Variants in DOCK8 observed in about 807,000 individuals in gnomAD.
DOCK8 encodes dedicator of cytokinesis 8.
In DOCK8, 141 loss-of-function variants were observed where a neutral mutation model predicts 245.6. That is an observed-to-expected ratio of 0.57 (90% CI 0.50 to 0.66). The LOEUF (loss-of-function observed/expected upper bound fraction) is 0.66, where lower values mean the gene tolerates loss of function less well. Ranked by LOEUF, DOCK8 falls within the 30% of genes least tolerant of loss-of-function variation. DOCK8 has a pLI of 0.00. For missense variants in DOCK8, 2,965 were observed against 2,603.4 expected, an observed-to-expected ratio of 1.14 and a Z score of -3.02; for synonymous variants, 1,168 against 970.2, an observed-to-expected ratio of 1.20 and a Z score of -3.79.
rs1019319527 is a variant in DOCK8 at position 286,513 on chromosome 9, C to G, written c.209C>G (p.Thr70Arg). ...GTGGACTTTGAAGGACTTCTGATGA[C>G]ACACCTGAACAGCCTGGATGTGCAG... ...EPVDFEGLLM[T>R]HLNSLDVQLA... is the part of the protein sequence containing the mutation. The change falls in exon 3 of 48, where the codon ACA becomes AGA. Residue 70 changes from threonine to arginine, a missense_variant. Around this residue, in one of 3 missense-constraint regions of DOCK8, gnomAD observed 2,825 missense variants for 2,453.5 expected, o/e 1.15. Coordinates refer to ENST00000432829, the MANE Select transcript of DOCK8 (RefSeq NM_203447.4). 1.2e-6 allele frequency: 2 copies of G among 1,613,940 alleles called. No individual in the cohort carries two copies. The highest frequency in any genetic ancestry group is 1.7e-6 in the Non-Finnish European group (2 of 1,179,936).
At chr9:449,669 A>G (rs1587092051) in intron 44 of DOCK8, 115 bp from the exon 45 acceptor site, 1 of 1,324,118 alleles carries the variant, frequency 7.6e-7, no homozygotes, top group African/African-American at 1.5e-5. Flanking sequence ...TTACTCTGAA[A>G]GTCTTTCCCT....
At chr9:257,812 C>T (rs748014007) in intron 1 of DOCK8, among the ~76,000 whole-genome samples, 1 of 152,196 alleles carries the variant, frequency 6.6e-6, no homozygotes, top group Non-Finnish European at 1.5e-5. Flanking sequence ...CCACCGCGCC[C>T]AGCCAGGAGG....
chr9:310,941 A>G (rs1200974548), intron 5 of DOCK8, among the ~76,000 whole-genome samples: 1 of 152,184 alleles, frequency 6.6e-6, no homozygotes, highest in African/African-American at 2.4e-5. Flanking sequence ...ATGGCAAAGC[A>G]TGAGAGGATG....
intron 14 of DOCK8, among the ~76,000 whole-genome samples, chr9:362,143 C>G (rs1335189459): frequency 6.6e-6 from 1 of 152,160 alleles, no homozygotes; most frequent in African/African-American, 2.4e-5. Context: ...GATTGGTCCT[C>G]CATGTTCTCC....
chr9:235,077 T>A (rs1034917893), intron 1 of DOCK8, among the ~76,000 whole-genome samples: 12 of 152,178 alleles, frequency 7.9e-5, no homozygotes, highest in African/African-American at 2.7e-4. Flanking sequence ...GGGTTTTTGG[T>A]GTGGATGTCC....
intron 9 of DOCK8, among the ~76,000 whole-genome samples, chr9:328,540 C>T (rs1175550266): frequency 6.6e-6 from 1 of 152,140 alleles, no homozygotes; most frequent in Non-Finnish European, 1.5e-5. Flanking sequence ...GCACCCTTCT[C>T]CTAATTAAGG....
At position 403,972 on chromosome 9, in the gene DOCK8, ATATGTG is replaced by A. The variant is rs2055286972; in HGVS notation, c.3235-942_3235-937del. 1.1e-4 allele frequency among the ~76,000 whole-genome samples: 8 copies of A among 71,258 alleles called. 1 individual carries two copies. The highest frequency in any genetic ancestry group is 7.3e-4 in the African/African-American group (7 of 9,600). The allele number at this position is 71,258 out of a possible 152,430, so 46.7% of individuals were successfully genotyped here. A position where few individuals can be genotyped will look rare whatever the true frequency, so the allele number is the denominator to read the frequency against. On this transcript the variant is annotated intron_variant, in intron 26 of 47. Transcript: ENST00000432829. Reference sequence around the variant, plus strand: ...TATATATATATATGTATATATATATATATGTGTATATATATATATGTGTATATATAT... The same window carrying A: ...TATATATATATATGTATATATATATATATATATATATATGTGTATATATAT...
At chr9:248,299 C>T (rs931569623) in intron 1 of DOCK8, among the ~76,000 whole-genome samples, 13 of 152,194 alleles carry the variant, frequency 8.5e-5, no homozygotes, top group Non-Finnish European at 1.8e-4. Flanking sequence ...ACCTTTAAGC[C>T]GTCAATACTG....
chr9:352,702 A>G (rs1017392909), intron 14 of DOCK8, among the ~76,000 whole-genome samples: 4 of 147,226 alleles, frequency 2.7e-5, no homozygotes, highest in Admixed American at 2.7e-4. Flanking sequence ...AGATCGCGCC[A>G]CTGCACTCCA....
chr9:407,044 G>A lies in DOCK8; in HGVS notation c.3505G>A (p.Ala1169Thr), dbSNP rs919705791. Residue 1169 changes from alanine to threonine, a missense_variant, in exon 28 of 48, where the codon GCT (alanine) becomes ACT (threonine). By Grantham distance (58) the Ala-to-Thr change is moderately conservative. This residue lies in a region of DOCK8 where 2,825 missense variants were observed against 2,453.5 expected (regional missense o/e 1.15). Coordinates refer to ENST00000432829, the MANE Select transcript of DOCK8 (RefSeq NM_203447.4). The part of the protein sequence containing the change: ...LTGLLFTELA[A>T]ALDAEGEGIS... ...CGGGCTCCTCTTCACAGAACTGGCT[G>A]CTGCCCTGGATGCCGAAGGGGAAGG... is the stretch of plus-strand genomic sequence containing the variant. The A allele has an allele frequency of 6.2e-7, 1 of 1,614,108 alleles. No homozygotes were observed. Among genetic ancestry groups the A allele is most frequent in the Non-Finnish European group, 8.5e-7 (1 of 1,180,026 alleles).
intron 1 of DOCK8, among the ~76,000 whole-genome samples, chr9:222,641 T>C (rs2046909451): frequency 6.6e-6 from 1 of 152,224 alleles, no homozygotes. Context: ...TCTGAAGTCA[T>C]TCTTTAGGGA....
At chr9:343,550 G>C (rs921861256) in intron 14 of DOCK8, among the ~76,000 whole-genome samples, 1 of 151,990 alleles carries the variant, frequency 6.6e-6, no homozygotes. Context: ...ATTCACACAG[G>C]AATGGAGAGT....
At chr9:229,759 T>C (rs1193424710) in intron 1 of DOCK8, among the ~76,000 whole-genome samples, 1 of 152,062 alleles carries the variant, frequency 6.6e-6, no homozygotes, top group Non-Finnish European at 1.5e-5. Context: ...ATAGGTGCTG[T>C]GGGCAGTCTT....
Position 336,503 on chromosome 9 carries a change from A to G in DOCK8, c.1286-79A>G, listed in dbSNP as rs565291978. The G allele has an allele frequency of 5.1e-5, 81 of 1,584,478 alleles. No homozygotes were observed. In the South Asian group the frequency reaches 8.3e-4, roughly 16 times the overall value. Reference sequence around the variant, plus strand: ...GTGTTCCTGATCAGTGACTTTAATCATACATATTGTGAAGTTAATAACTGC... The same window carrying G: ...GTGTTCCTGATCAGTGACTTTAATCGTACATATTGTGAAGTTAATAACTGC... On this transcript the variant is annotated intron_variant, in intron 11 of 47. Transcript: ENST00000432829.
intron 18 of DOCK8, among the ~76,000 whole-genome samples, chr9:375,193 C>G (rs371901312): frequency 1.2e-4 from 18 of 152,298 alleles, no homozygotes; most frequent in African/African-American, 3.4e-4. Flanking sequence ...CTTCAGATAG[C>G]TTTAAAGGTC....
intron 4 of DOCK8, among the ~76,000 whole-genome samples, chr9:296,755 C>T (rs771517649): frequency 1.3e-5 from 2 of 152,184 alleles, no homozygotes; most frequent in Non-Finnish European, 2.9e-5. Flanking sequence ...ATGAAAAGCA[C>T]GCCCGGCTCA....
At chr9:386,715 A>T (rs2053971728) in intron 23 of DOCK8, among the ~76,000 whole-genome samples, 1 of 152,202 alleles carries the variant, frequency 6.6e-6, no homozygotes, top group Admixed American at 6.5e-5. Context: ...GATTCAATAG[A>T]TCTGAGCTGG....
chr9:383,859 GT>G (rs1213702039), intron 22 of DOCK8, among the ~76,000 whole-genome samples: 3 of 151,958 alleles, frequency 2.0e-5, no homozygotes, highest in African/African-American at 7.3e-5. Flanking sequence ...TTTCAGAACA[GT>G]TTTAGAGTTA....
At chr9:247,982 TA>T (rs61282524) in intron 1 of DOCK8, among the ~76,000 whole-genome samples, 99 of 144,910 alleles carry the variant, frequency 6.8e-4, no homozygotes, top group Admixed American at 1.2e-3. Flanking sequence ...TTCTCTAAGT[TA>T]AAAAAAAAAA....
Sources: gnomAD v4.1 joint callset for allele counts (sites outside exome capture counted in the v4.1 genomes callset) on GRCh38, gnomAD v4.1.1 for gene constraint, gnomAD v4.1.1 regional missense constraint, MANE v1.5 for transcripts, NCBI Gene and HGNC (gene_info 2026-07-23, HGNC 2026-07-21) for gene names.